ANK3: variants seen among roughly 807,000 people sequenced by gnomAD.
The protein encoded by ANK3 is ankyrin-3.
In ANK3, 57 loss-of-function variants were observed where a neutral mutation model predicts 370.9. The observed-to-expected ratio is 0.15, with a 90% confidence interval of 0.12 to 0.19. ANK3 has a LOEUF of 0.19. ANK3 is among the 10% of genes least tolerant of loss of function. The probability of loss-of-function intolerance (pLI) is 1.00; values close to 1 mark genes in which losing one functional copy is unlikely to be tolerated. For synonymous variants in ANK3, 1,929 were observed against 1,946.3 expected, an observed-to-expected ratio of 0.99 and a Z score of 0.23; for missense variants, 4,439 against 5,302.1, an observed-to-expected ratio of 0.84 and a Z score of 5.06.
At chr10:60,663,136 A>T (rs1205992769) in intron 1 of ANK3, among the ~76,000 whole-genome samples, 2 of 152,210 alleles carry the variant, frequency 1.3e-5, no homozygotes, top group African/African-American at 4.8e-5. Context: ...CTATGCAAAG[A>T]ACACACATTC....
At chr10:60,081,891 C>A (rs1165862809) in intron 35 of ANK3, 1 of 346,272 alleles carries the variant, frequency 2.9e-6, no homozygotes, top group South Asian at 6.2e-5. Flanking sequence ...GCCAATCTAC[C>A]ATATTTAAAA....
chr10:60,151,655 G>A (rs192365597), intron 23 of ANK3, among the ~76,000 whole-genome samples: 4 of 152,220 alleles, frequency 2.6e-5, no homozygotes, highest in Admixed American at 1.3e-4. Flanking sequence ...GCAGAACTGT[G>A]AGCCAAAATA....
At chr10:60,706,532 CA>C (rs111815151) in intron 1 of ANK3, among the ~76,000 whole-genome samples, 6,280 of 146,050 alleles carry the variant, frequency 0.043, 172 homozygotes, top group Middle Eastern at 0.079. Flanking sequence ...TGCTCCTAAC[CA>C]AAAAAAAAAA....
At chr10:60,658,470 A>T (rs2078894921) in intron 1 of ANK3, among the ~76,000 whole-genome samples, 1 of 151,890 alleles carries the variant, frequency 6.6e-6, no homozygotes, top group Non-Finnish European at 1.5e-5. Context: ...ATTTCTACTG[A>T]CCTCCCCCCA....
intron 2 of ANK3, among the ~76,000 whole-genome samples, chr10:60,597,103 C>T (rs986470245): frequency 6.6e-6 from 1 of 151,938 alleles, no homozygotes; most frequent in African/African-American, 2.4e-5. Flanking sequence ...AAAGCGAGCC[C>T]CCAAATGTAA....
intron 8 of ANK3, among the ~76,000 whole-genome samples, chr10:60,221,224 C>T (rs1294826041): frequency 1.3e-5 from 2 of 151,850 alleles, no homozygotes; most frequent in East Asian, 1.9e-4. Flanking sequence ...GGATTACAGG[C>T]GCCTGCCACC....
intron 2 of ANK3, among the ~76,000 whole-genome samples, chr10:60,406,406 A>G (rs1432472499): frequency 6.6e-6 from 1 of 152,194 alleles, no homozygotes; most frequent in African/African-American, 2.4e-5. Flanking sequence ...GTGGGTGGTT[A>G]GGAGATGGTT....
At chr10:60,502,023 TCCCCAAA>T (rs74768560) in intron 2 of ANK3, among the ~76,000 whole-genome samples, 61,209 of 151,938 alleles carry the variant, frequency 0.4, 12,644 homozygotes, top group Middle Eastern at 0.43. Context: ...TTTTAACATC[TCCCCAAA>T]TGACTACAGG....
chr10:60,279,221 C>A lies in ANK3; in HGVS notation c.217-73G>T. On this transcript the variant is annotated intron_variant, in intron 2 of 43. Transcript: ENST00000280772. ...GCAGTAAACAACCGACCAAGAACTC[C>A]TGAGATATTATAAAGTCCCACCTGA... The A allele has an allele frequency of 6.2e-6, 8 of 1,299,338 alleles. No homozygotes were observed. In the South Asian group the frequency reaches 9.5e-5, roughly 15 times the overall value. The allele number at this position is 1,299,338 out of a possible 1,614,324, so 80.5% of individuals were successfully genotyped here.
At chr10:60,510,798 C>T (rs867619744) in intron 2 of ANK3, among the ~76,000 whole-genome samples, 10 of 151,408 alleles carry the variant, frequency 6.6e-5, no homozygotes, top group South Asian at 2.1e-4. Context: ...CCAGCCTGGG[C>T]GACAGAGAAA....
chr10:60,083,750 G>A, intron 32 of ANK3, 133 bp from the exon 33 acceptor site: 1 of 714,994 alleles, frequency 1.4e-6, no homozygotes, highest in South Asian at 2.1e-5. Context: ...TACTTCTGTG[G>A]TGCTATTTGC....
intron 1 of ANK3, among the ~76,000 whole-genome samples, chr10:60,347,063 A>G (rs914197023): frequency 6.6e-6 from 1 of 150,520 alleles, no homozygotes; most frequent in East Asian, 1.9e-4. Flanking sequence ...TGATATATAT[A>G]TATATATATA....
At chr10:60,463,150 C>T (rs75803729) in intron 2 of ANK3, among the ~76,000 whole-genome samples, 1,571 of 152,250 alleles carry the variant, frequency 0.01, 9 homozygotes, top group Non-Finnish European at 0.018. Flanking sequence ...GTGATCCATG[C>T]GCCTTGGCCT....
At chr10:60,424,802 T>C (rs2063847031) in intron 2 of ANK3, among the ~76,000 whole-genome samples, 3 of 152,068 alleles carry the variant, frequency 2.0e-5, no homozygotes, top group South Asian at 4.1e-4. Context: ...CCTTTTCTAA[T>C]TGCCTGAGTG....
At chr10:60,386,963 C>G (rs925588477) in intron 1 of ANK3, among the ~76,000 whole-genome samples, 1 of 152,056 alleles carries the variant, frequency 6.6e-6, no homozygotes, top group East Asian at 1.9e-4. Context: ...TGTTTAAGAC[C>G]AGCCTGGCCA....
intron 1 of ANK3, among the ~76,000 whole-genome samples, chr10:60,291,532 T>C (rs2041394908): frequency 6.6e-6 from 1 of 152,088 alleles, no homozygotes; most frequent in Admixed American, 6.6e-5. Context: ...TTTGACTAGA[T>C]GACAAGCAAG....
At chr10:60,522,432 TA>T (rs572133617) in intron 2 of ANK3, among the ~76,000 whole-genome samples, 6 of 151,584 alleles carry the variant, frequency 4.0e-5, no homozygotes, top group Admixed American at 3.3e-4. Context: ...TTTGCTAGAT[TA>T]AAAAAAATTC....
intron 1 of ANK3, among the ~76,000 whole-genome samples, chr10:60,326,262 G>A (rs909163668): frequency 5.9e-5 from 9 of 151,966 alleles, no homozygotes; most frequent in Non-Finnish European, 1.2e-4. Context: ...ACCTGCACGT[G>A]TATTTCTGAA....
chr10:60,423,177 T>C (rs1594999733), intron 2 of ANK3, among the ~76,000 whole-genome samples: 1 of 152,092 alleles, frequency 6.6e-6, no homozygotes, highest in African/African-American at 2.4e-5. Flanking sequence ...CATGAATATG[T>C]CCTAAATATA....
Sources: allele counts gnomAD v4.1 joint callset (sites outside exome capture counted in the v4.1 genomes callset), GRCh38; gene constraint gnomAD v4.1.1; transcripts MANE v1.5; gene names NCBI Gene and HGNC (gene_info 2026-07-23, HGNC 2026-07-21).